CHD6: variants seen among roughly 807,000 people sequenced by gnomAD.
The protein encoded by CHD6 is ATP-dependent chromatin remodeler CHD6.
A neutral mutation model predicts 276.9 loss-of-function variants in CHD6; 50 were observed. The observed-to-expected ratio is 0.18, with a 90% confidence interval of 0.14 to 0.23. The LOEUF (loss-of-function observed/expected upper bound fraction) is 0.23, where lower values mean the gene tolerates loss of function less well. Ranked by LOEUF, CHD6 falls within the 10% of genes least tolerant of loss-of-function variation. CHD6 has a pLI of 1.00. For missense variants in CHD6, 2,564 were observed against 3,365.8 expected, an observed-to-expected ratio of 0.76 and a Z score of 5.89; for synonymous variants, 1,173 against 1,229.3, an observed-to-expected ratio of 0.95 and a Z score of 0.96.
In CHD6 at chr20:41,426,093, C is replaced by A; in HGVS notation, c.4129G>T (p.Ala1377Ser). 1 of 1,606,736 alleles carries A rather than the reference C, an allele frequency of 6.2e-7. No homozygotes were observed. Among genetic ancestry groups the A allele is most frequent in the Non-Finnish European group, 8.5e-7 (1 of 1,173,196 alleles). Residue 1377 changes from alanine (A) to serine (S), a missense_variant and splice_region_variant, in exon 28 of 37, where the codon GCC (alanine) becomes TCC (serine). Transcript: ENST00000373233. ...TGCCTTCAGAAGGACATAGTCTCAC[C>A]TGCCCGGCTGTCATCCTTCTTTTCG... is the stretch of plus-strand genomic sequence containing the variant. ...FSEKKDDSRA[A>S]QDGSDPDKSP...
Position 41,403,644 on chromosome 20 carries a change from G to A in CHD6, c.*949C>T, listed in dbSNP as rs1381276525. The A allele has an allele frequency of 3.8e-6, 4 of 1,061,306 alleles. No individual in the cohort carries two copies. The highest frequency in any genetic ancestry group is 4.6e-6 in the Non-Finnish European group (4 of 876,884). The allele number at this position is 1,061,306 out of a possible 1,614,324, so 65.7% of individuals were successfully genotyped here. A position where few individuals can be genotyped will look rare whatever the true frequency, so the allele number is the denominator to read the frequency against. On this transcript the variant is annotated 3_prime_UTR_variant, in exon 37 of 37. Transcript: ENST00000373233. ...AGTGTTGGGCAACTGTCTTCTTGCAGGCTCCAGAAAGAACCTTATTCTTGG... is the reference window on the plus strand; with the variant it reads ...AGTGTTGGGCAACTGTCTTCTTGCAAGCTCCAGAAAGAACCTTATTCTTGG...
chr20:41,608,068 C>T (rs1218907773), intron 1 of CHD6, among the ~76,000 whole-genome samples: 1 of 152,144 alleles, frequency 6.6e-6, no homozygotes, highest in African/African-American at 2.4e-5. Context: ...ATAGTAAGCA[C>T]TCAGTGATTG....
At position 41,424,528 on chromosome 20, in the gene CHD6, C is replaced by T. The variant is rs548859052; in HGVS notation, c.4346+650G>A. On this transcript the variant is annotated intron_variant, in intron 29 of 36. Coordinates refer to ENST00000373233, the MANE Select transcript of CHD6 (RefSeq NM_032221.5). ...GGAAGACATATATTCCTTGAACTAT[C>T]GAATTTCATAAGTCAGGAGTACAGA... 4.6e-5 allele frequency among the ~76,000 whole-genome samples: 7 copies of T among 152,232 alleles called. 1 individual carries two copies. In the South Asian group the frequency reaches 8.3e-4, roughly 18 times the overall value.
At chr20:41,533,768 C>T (rs1280696826) in intron 2 of CHD6, among the ~76,000 whole-genome samples, 198 bp from the exon 3 acceptor site, 1 of 152,130 alleles carries the variant, frequency 6.6e-6, no homozygotes, top group Non-Finnish European at 1.5e-5. Flanking sequence ...GGAGCTGTGC[C>T]AACGTGTTGT....
chr20:41,452,694 G>T lies in CHD6; in HGVS notation c.3323+46C>A. 6.5e-7 allele frequency: 1 copy of T among 1,542,652 alleles called. No homozygotes were observed. The highest frequency in any genetic ancestry group is 1.1e-5 in the South Asian group (1 of 88,012). ...AATCTCAGGGACTGAAAAACAGAGG[G>T]GAACAAACAACAATAACAACAAAAC... On this transcript the variant is annotated intron_variant, in intron 21 of 36. Coordinates refer to ENST00000373233, the MANE Select transcript of CHD6 (RefSeq NM_032221.5). The surrounding 1 kb of genome is among the most constrained non-coding windows in gnomAD (Gnocchi z 4.2).
At position 41,498,218 on chromosome 20, in the gene CHD6, T is replaced by C; in HGVS notation, c.924A>G (p.Pro308=). The C allele has an allele frequency of 6.2e-7, 1 of 1,609,964 alleles. No individual in the cohort carries two copies. The highest frequency in any genetic ancestry group is 8.5e-7 in the Non-Finnish European group (1 of 1,178,174). ...LASKTVQEVH[P]GEPPFDLELF... ...GCTCCAAGTCGAACGGAGGTTCTCCTGGGTGAACCTGTAACAAACAGCAAG... is the reference window on the plus strand; with the variant it reads ...GCTCCAAGTCGAACGGAGGTTCTCCCGGGTGAACCTGTAACAAACAGCAAG... Residue 308 remains proline, a synonymous_variant, in exon 7 of 37, where the codon CCA becomes CCG. Coordinates refer to ENST00000373233, the MANE Select transcript of CHD6 (RefSeq NM_032221.5).
intron 1 of CHD6, among the ~76,000 whole-genome samples, chr20:41,599,443 C>A (rs1048036882): frequency 3.9e-5 from 6 of 152,130 alleles, no homozygotes; most frequent in African/African-American, 1.4e-4. Flanking sequence ...TCAATCTTTA[C>A]CCCCCTTGCA....
At chr20:41,545,835 TTCC>T (rs1337082271) in intron 2 of CHD6, among the ~76,000 whole-genome samples, 1 of 152,134 alleles carries the variant, frequency 6.6e-6, no homozygotes, top group African/African-American at 2.4e-5. Context: ...CTCCTAAGCT[TTCC>T]TCCTGAGGAC....
chr20:41,403,001 C>G lies in CHD6; in HGVS notation c.*1592G>C. ...GAAGATACATCTGATTGATTTTTTT[C>G]AGTCATGATTTAACAGACTTCTTTG... On this transcript the variant is annotated 3_prime_UTR_variant, in exon 37 of 37. Transcript: ENST00000373233. 4.8e-6 allele frequency: 1 copy of G among 209,322 alleles called. No individual in the cohort carries two copies. The highest frequency in any genetic ancestry group is 9.7e-6 in the Non-Finnish European group (1 of 102,878). The allele number at this position is 209,322 out of a possible 1,614,324, so 13.0% of individuals were successfully genotyped here. A position where few individuals can be genotyped will look rare whatever the true frequency, so the allele number is the denominator to read the frequency against.
At chr20:41,600,956 A>AG (rs2045767501) in intron 1 of CHD6, among the ~76,000 whole-genome samples, 1 of 152,196 alleles carries the variant, frequency 6.6e-6, no homozygotes. Flanking sequence ...AGTCACTAGG[A>AG]GAAAAAAGTG....
rs141766220 is a variant in CHD6, at chr20:41,558,210, G to T, written c.-23-6850C>A. Among the ~76,000 whole-genome samples, 540 of 152,286 alleles carry T rather than the reference G, an allele frequency of 3.5e-3. 2 individuals carry two copies. Among genetic ancestry groups the T allele is most frequent in the Non-Finnish European group, 5.3e-3 (358 of 68,020 alleles). ...CATGTACCTTTCTCTATTGCCAGGT[G>T]TGAGCAGTCTACAGGAGGTACTTTA... On this transcript the variant is annotated intron_variant, in intron 1 of 36. Coordinates refer to ENST00000373233, the MANE Select transcript of CHD6 (RefSeq NM_032221.5).
intron 1 of CHD6, among the ~76,000 whole-genome samples, chr20:41,562,283 A>T (rs2045309878): frequency 1.3e-5 from 2 of 152,160 alleles, no homozygotes; most frequent in South Asian, 4.1e-4. Flanking sequence ...CTAACCAATA[A>T]TGGAAGGGCA....
In CHD6 at chr20:41,420,530, T is replaced by C; in HGVS notation, c.6105A>G (p.Arg2035=). Residue 2035 remains arginine, a synonymous_variant, in exon 31 of 37, where the codon AGA becomes AGG. Coordinates refer to ENST00000373233, the MANE Select transcript of CHD6 (RefSeq NM_032221.5). The part of the protein sequence containing the change: ...MDFENKDDYD[R]DGNCHSQDYP... ...TACCTTGACTATGGCAGTTTCCGTC[T>C]CTATCATAATCATCTTTATTCTCAA... The C allele has an allele frequency of 6.2e-7, 1 of 1,612,126 alleles. No individual in the cohort carries two copies. The highest frequency in any genetic ancestry group is 2.2e-5 in the East Asian group (1 of 44,880).
intron 20 of CHD6, among the ~76,000 whole-genome samples, chr20:41,453,795 CT>C (rs1209212613): frequency 3.3e-5 from 5 of 152,186 alleles, no homozygotes; most frequent in African/African-American, 9.7e-5. Context: ...ACTGCAGGAT[CT>C]TCTTAAAAGA....
chr20:41,581,594 G>C (rs1353588238), intron 1 of CHD6, among the ~76,000 whole-genome samples: 1 of 151,494 alleles, frequency 6.6e-6, no homozygotes, highest in East Asian at 1.9e-4. Context: ...AGAATTGCTT[G>C]AACTCAGGGA....
chr20:41,610,080 C>G (rs2045870885), intron 1 of CHD6, among the ~76,000 whole-genome samples: 1 of 152,024 alleles, frequency 6.6e-6, no homozygotes. Context: ...TGGTCTCGAA[C>G]TCCTGACATC....
intron 17 of CHD6, among the ~76,000 whole-genome samples, chr20:41,462,429 G>A (rs2042823658): frequency 6.6e-6 from 1 of 152,190 alleles, no homozygotes; most frequent in South Asian, 2.1e-4. Flanking sequence ...TGCTAAGTAT[G>A]TATAGTGTTT....
chr20:41,528,440 T>C (rs191130477), intron 3 of CHD6, among the ~76,000 whole-genome samples: 3 of 152,324 alleles, frequency 2.0e-5, no homozygotes, highest in Admixed American at 6.5e-5. Flanking sequence ...ATTTTAAAAA[T>C]AGTATAAACA....
At position 41,421,435 on chromosome 20, in the gene CHD6, C is replaced by T; in HGVS notation, c.5200G>A (p.Val1734Ile). Residue 1734 changes from valine to isoleucine, a missense_variant, in exon 31 of 37, where the codon GTT becomes ATT. Around this residue, in one of 7 missense-constraint regions of CHD6, gnomAD observed 1,024 missense variants for 1,047.9 expected, o/e 0.98. Coordinates refer to ENST00000373233, the MANE Select transcript of CHD6 (RefSeq NM_032221.5). Reference sequence around the variant, plus strand: ...TCTTTGCTTATTGAGATGGTAATAACATCTTTTCTAGATTCAGTATTGGTA... The same window carrying T: ...TCTTTGCTTATTGAGATGGTAATAATATCTTTTCTAGATTCAGTATTGGTA... Reference protein sequence around the residue: ...PSTNTESRKDVITISISKDGN... With the variant: ...PSTNTESRKDIITISISKDGN... The T allele has an allele frequency of 6.2e-7, 1 of 1,614,172 alleles. No individual in the cohort carries two copies. The highest frequency in any genetic ancestry group is 1.1e-5 in the South Asian group (1 of 91,076).
Sources: allele counts gnomAD v4.1 joint callset (sites outside exome capture counted in the v4.1 genomes callset), GRCh38; gene constraint gnomAD v4.1.1; regional missense constraint gnomAD v4.1.1; non-coding constraint Gnocchi (gnomAD v3.1); transcripts MANE v1.5; gene names NCBI Gene and HGNC (gene_info 2026-07-23, HGNC 2026-07-21).